NRCAM: variants seen among roughly 807,000 people sequenced by gnomAD.
NRCAM encodes NgCAM-related cell adhesion molecule.
Under a neutral mutation model 156.5 loss-of-function variants are expected in NRCAM, and 83 were observed. The observed-to-expected ratio is 0.53, with a 90% CI of 0.44 to 0.64. The LOEUF (loss-of-function observed/expected upper bound fraction) is 0.64, where lower values mean the gene tolerates loss of function less well. Ranked by LOEUF, NRCAM falls within the 30% of genes least tolerant of loss-of-function variation. The probability of loss-of-function intolerance (pLI) is 0.00; values close to 1 mark genes in which losing one functional copy is unlikely to be tolerated. For synonymous variants in NRCAM, 538 were observed against 563.9 expected (o/e 0.95, Z 0.65); for missense variants, 1,417 against 1,597.3 (o/e 0.89, Z 1.92).
intron 3 of NRCAM, among the ~76,000 whole-genome samples, chr7:108,257,070 AGAAAGAAGGAAGGAAG>A (rs1209690596): frequency 3.0e-4 from 46 of 151,180 alleles, no homozygotes; most frequent in Admixed American, 9.2e-4. Context: ...GAGGGAAAGA[AGAAAGAAGGAAGGAAG>A]GAAAGAAGGA....
At chr7:108,319,401 C>T (rs1432733373) in intron 2 of NRCAM, among the ~76,000 whole-genome samples, 2 of 152,136 alleles carry the variant, frequency 1.3e-5, no homozygotes, top group Non-Finnish European at 2.9e-5. Flanking sequence ...AAATCCCTGC[C>T]CTCATAGAGC....
intron 3 of NRCAM, among the ~76,000 whole-genome samples, chr7:108,256,984 G>C (rs1215872067): frequency 2.0e-5 from 3 of 147,824 alleles, no homozygotes; most frequent in Admixed American, 1.4e-4. Flanking sequence ...ACTCCAGCCT[G>C]GGTGGCAAAG....
chr7:108,178,354 T>G, intron 25 of NRCAM: 4 of 488,524 alleles, frequency 8.2e-6, no homozygotes, highest in Non-Finnish European at 1.5e-5. Context: ...ACATAATGAC[T>G]TTGCCTTTAG....
chr7:108,161,469 A>C lies in NRCAM; in HGVS notation c.3467-977T>G, dbSNP rs182446605. On this transcript the variant is annotated intron_variant, in intron 30 of 32. Transcript: ENST00000379028. ...AGACATGCCCATGCAGATTTGCTTA[A>C]TTAACTAGTATAAATTCTTTTTTAA... is the stretch of plus-strand genomic sequence containing the variant. Among the ~76,000 whole-genome samples, 265 of 152,382 alleles carry C rather than the reference A, an allele frequency of 1.7e-3. 2 individuals carry two copies. The highest frequency in any genetic ancestry group is 6.1e-3 in the African/African-American group (252 of 41,598).
At chr7:108,191,641 A>AT in intron 18 of NRCAM, 88 bp downstream of exon 18, 1 of 1,424,178 alleles carries the variant, frequency 7.0e-7, no homozygotes, top group Non-Finnish European at 9.3e-7. Flanking sequence ...TAACAAGCAA[A>AT]TATTTGATAT....
chr7:108,408,932 C>T (rs1859765), intron 1 of NRCAM, among the ~76,000 whole-genome samples: 29,527 of 152,042 alleles, frequency 0.19, 3,462 homozygotes, highest in South Asian at 0.34. Flanking sequence ...AATTCCTTGT[C>T]GCCTCCTACC....
intron 3 of NRCAM, among the ~76,000 whole-genome samples, chr7:108,288,030 C>T (rs1291587384): frequency 1.3e-5 from 2 of 151,992 alleles, no homozygotes; most frequent in Non-Finnish European, 2.9e-5. Context: ...CATACGTATA[C>T]ACATAACCAT....
intron 2 of NRCAM, among the ~76,000 whole-genome samples, chr7:108,373,064 G>C (rs1225914036): frequency 6.6e-6 from 1 of 152,156 alleles, no homozygotes; most frequent in East Asian, 1.9e-4. Flanking sequence ...TGAACATTGA[G>C]GACATTATGC....
At chr7:108,180,449 T>A in intron 24 of NRCAM, 22 bp from the exon 25 acceptor site, 1 of 1,592,434 alleles carries the variant, frequency 6.3e-7, no homozygotes, top group Non-Finnish European at 8.6e-7. Flanking sequence ...AGAACGAAAG[T>A]CAGGAATGCA....
intron 30 of NRCAM, among the ~76,000 whole-genome samples, chr7:108,165,754 T>A (rs2053671392): frequency 1.3e-5 from 2 of 152,254 alleles, no homozygotes; most frequent in Admixed American, 1.3e-4. Flanking sequence ...CCACTTATGA[T>A]TTATATTTTT....
chr7:108,346,796 G>C (rs1253077380), intron 2 of NRCAM, among the ~76,000 whole-genome samples: 1 of 151,984 alleles, frequency 6.6e-6, no homozygotes, highest in Non-Finnish European at 1.5e-5. Flanking sequence ...AAATGTGGCT[G>C]GTCTGTATTG....
chr7:108,313,019 G>A (rs1030061418), intron 2 of NRCAM, among the ~76,000 whole-genome samples: 1 of 152,144 alleles, frequency 6.6e-6, no homozygotes, highest in African/African-American at 2.4e-5. Flanking sequence ...GAATAAAGGT[G>A]TTTTTGTAAT....
At chr7:108,449,967 AAACATATATATATATTC>A (rs1453859914) in intron 1 of NRCAM, among the ~76,000 whole-genome samples, 4 of 151,864 alleles carry the variant, frequency 2.6e-5, no homozygotes, top group Non-Finnish European at 5.9e-5. Flanking sequence ...AATAAAATTT[AAACATATATATATATTC>A]AACATATATA....
chr7:108,216,948 G>A (rs978264252), intron 11 of NRCAM, among the ~76,000 whole-genome samples: 1 of 152,086 alleles, frequency 6.6e-6, no homozygotes, highest in Non-Finnish European at 1.5e-5. Context: ...GTCCAGTTTT[G>A]TTCCCTTGCT....
intron 2 of NRCAM, among the ~76,000 whole-genome samples, chr7:108,318,704 C>T (rs1171734803): frequency 6.6e-6 from 1 of 152,106 alleles, no homozygotes; most frequent in East Asian, 1.9e-4. Flanking sequence ...AAGATGACCC[C>T]TGGTTCTGAA....
chr7:108,308,364 C>T (rs1473193761), intron 3 of NRCAM, among the ~76,000 whole-genome samples: 1 of 152,130 alleles, frequency 6.6e-6, no homozygotes, highest in Non-Finnish European at 1.5e-5. Context: ...AAAAGTACAG[C>T]AAGGAAAAGA....
intron 2 of NRCAM, among the ~76,000 whole-genome samples, chr7:108,397,444 A>G (rs1040502661): frequency 2.6e-5 from 4 of 152,166 alleles, no homozygotes; most frequent in African/African-American, 4.8e-5. Context: ...TCCCTCAAAG[A>G]AGGCTGTGAG....
At chr7:108,316,585 C>G (rs560602097) in intron 2 of NRCAM, among the ~76,000 whole-genome samples, 3 of 151,822 alleles carry the variant, frequency 2.0e-5, no homozygotes, top group African/African-American at 7.3e-5. Flanking sequence ...ACCATCCTGT[C>G]TAACACGGTG....
chr7:108,176,346 T>C (rs17155125), intron 27 of NRCAM, 84 bp downstream of exon 27: 51,018 of 1,235,476 alleles, frequency 0.041, 1,616 homozygotes, highest in African/African-American at 0.13. Flanking sequence ...AGACGTTCCA[T>C]AGCAAGAAGG....
Sources: allele counts gnomAD v4.1 joint callset (sites outside exome capture counted in the v4.1 genomes callset), GRCh38; gene constraint gnomAD v4.1.1; transcripts MANE v1.5; gene names NCBI Gene and HGNC (gene_info 2026-07-23, HGNC 2026-07-21).